The following ULK4 variants were observed in gnomAD, a reference collection of about 807,000 sequenced individuals.
ULK4 encodes the protein unc-51 like kinase 4, also known as inactive serine/threonine-protein kinase ULK4.
A neutral mutation model predicts 160.6 loss-of-function variants in ULK4; 133 were observed. The observed-to-expected ratio is 0.83, with a 90% confidence interval of 0.72 to 0.96. ULK4 has a LOEUF of 0.96. Among genes scored for constraint, ULK4 ranks in the 40% least tolerant of loss-of-function variants. ULK4 has a pLI of 0.00. For missense variants in ULK4, 1,580 were observed against 1,499.5 expected (o/e 1.05, Z -0.89); for synonymous variants, 534 against 539.8 (o/e 0.99, Z 0.15).
At chr3:41,479,970 G>A (rs2084263694) in intron 32 of ULK4, among the ~76,000 whole-genome samples, 1 of 152,040 alleles carries the variant, frequency 6.6e-6, no homozygotes. Context: ...TGCTTTGGGA[G>A]GCCAAGGCAG....
intron 22 of ULK4, among the ~76,000 whole-genome samples, chr3:41,746,885 C>T (rs1156494841): frequency 2.0e-5 from 3 of 151,864 alleles, no homozygotes; most frequent in Non-Finnish European, 4.4e-5. Context: ...GGTACAAAAG[C>T]AACTGAATGC....
At chr3:41,844,234 G>A (rs2042009015) in intron 17 of ULK4, among the ~76,000 whole-genome samples, 1 of 152,232 alleles carries the variant, frequency 6.6e-6, no homozygotes, top group African/African-American at 2.4e-5. Context: ...CGCTCGCTGG[G>A]GAGACTCGGG....
chr3:41,389,175 C>G (rs1301153897), intron 35 of ULK4, among the ~76,000 whole-genome samples: 1 of 150,558 alleles, frequency 6.6e-6, no homozygotes, highest in East Asian at 2.0e-4. Flanking sequence ...GGCTCTCTGT[C>G]TGTTATTGGT....
chr3:41,410,586 G>A (rs1454785785), intron 34 of ULK4, among the ~76,000 whole-genome samples: 2 of 152,148 alleles, frequency 1.3e-5, no homozygotes, highest in African/African-American at 4.8e-5. Context: ...TCTGGAATTA[G>A]ATAATGGTTG....
chr3:41,699,010 T>C (rs2036587000), intron 27 of ULK4, among the ~76,000 whole-genome samples: 1 of 152,246 alleles, frequency 6.6e-6, no homozygotes, highest in South Asian at 2.1e-4. Flanking sequence ...CATTTGACTA[T>C]ATCATAATGT....
intron 32 of ULK4, among the ~76,000 whole-genome samples, chr3:41,510,395 T>C (rs1174963152): frequency 1.3e-5 from 2 of 152,132 alleles, no homozygotes; most frequent in South Asian, 2.1e-4. Flanking sequence ...GGGATTTTAA[T>C]ACTCCACTAA....
intron 32 of ULK4, among the ~76,000 whole-genome samples, chr3:41,491,644 G>T (rs2084768764): frequency 6.6e-6 from 1 of 151,848 alleles, no homozygotes. Flanking sequence ...GTGGCCCAAT[G>T]ATTTAATAAT....
Position 41,246,716 on chromosome 3 carries a change from G to T in ULK4, c.*213C>A. On this transcript the variant is annotated 3_prime_UTR_variant, in exon 37 of 37. Transcript: ENST00000301831. ...GCTAACAAACCTGGGCTTCCCAGAT[G>T]CATTCCACAGGAACCAAGGAAGTCC... The T allele has an allele frequency of 1.8e-6, 1 of 545,434 alleles. No homozygotes were observed. The highest frequency in any genetic ancestry group is 3.3e-6 in the Non-Finnish European group (1 of 305,260). 33.8% of individuals were successfully genotyped at this position (545,434 alleles called of 1,614,324 possible).
intron 22 of ULK4, among the ~76,000 whole-genome samples, chr3:41,720,570 A>G (rs9826058): frequency 0.31 from 47,606 of 151,994 alleles, 10,910 homozygotes; most frequent in African/African-American, 0.65. Context: ...AAAAAGACTA[A>G]CAAAAGAAGA....
intron 34 of ULK4, among the ~76,000 whole-genome samples, chr3:41,422,350 C>A (rs1203746274): frequency 2.0e-5 from 3 of 152,082 alleles, no homozygotes; most frequent in Non-Finnish European, 4.4e-5. Flanking sequence ...TTTGTTGGAT[C>A]TTTTCTTTTC....
At chr3:41,948,551 A>G (rs1700183762) in intron 2 of ULK4, among the ~76,000 whole-genome samples, 2 of 152,160 alleles carry the variant, frequency 1.3e-5, no homozygotes, top group African/African-American at 4.8e-5. Flanking sequence ...AGCAAATTGA[A>G]TTCAGCAGTA....
intron 19 of ULK4, among the ~76,000 whole-genome samples, chr3:41,808,393 C>T (rs2125616288): frequency 6.6e-6 from 1 of 152,272 alleles, no homozygotes; most frequent in Non-Finnish European, 1.5e-5. Context: ...CATGTGTCAT[C>T]CCAGTGCTCT....
chr3:41,882,671 TCA>T (rs1412548476), intron 17 of ULK4, among the ~76,000 whole-genome samples: 1 of 152,224 alleles, frequency 6.6e-6, no homozygotes, highest in African/African-American at 2.4e-5. Context: ...TTTCACATAT[TCA>T]GAGGCTCCTT....
chr3:41,672,028 T>A lies in ULK4; in HGVS notation c.2979-8329A>T, dbSNP rs185947003. ...TGCAAGTCAAAACCACAATGAGATATCTTATACTGATTAAAATGGCTATTA... is the reference window on the plus strand; with the variant it reads ...TGCAAGTCAAAACCACAATGAGATAACTTATACTGATTAAAATGGCTATTA... On this transcript the variant is annotated intron_variant, in intron 29 of 36. Transcript: ENST00000301831. 7.6e-3 allele frequency among the ~76,000 whole-genome samples: 1,153 copies of A among 152,178 alleles called. 10 individuals carry two copies. The highest frequency in any genetic ancestry group is 0.01 in the Non-Finnish European group (684 of 67,970).
intron 27 of ULK4, among the ~76,000 whole-genome samples, chr3:41,698,136 G>A (rs910615390): frequency 1.3e-5 from 2 of 152,150 alleles, no homozygotes; most frequent in East Asian, 1.9e-4. Context: ...CTAGGTTGGT[G>A]TAAGTACATT....
intron 31 of ULK4, among the ~76,000 whole-genome samples, chr3:41,584,400 C>T (rs1380636966): frequency 6.6e-6 from 1 of 151,990 alleles, no homozygotes; most frequent in East Asian, 1.9e-4. Flanking sequence ...CAAGTGACCC[C>T]CCTGCCTCAG....
At chr3:41,250,173 AG>A (rs1172078113) in intron 35 of ULK4, among the ~76,000 whole-genome samples, 1 of 152,194 alleles carries the variant, frequency 6.6e-6, no homozygotes, top group African/African-American at 2.4e-5. Context: ...GAATAGGCTC[AG>A]GTGGGGATTT....
At chr3:41,849,811 T>A (rs1001012948) in intron 17 of ULK4, among the ~76,000 whole-genome samples, 4 of 152,194 alleles carry the variant, frequency 2.6e-5, no homozygotes, top group African/African-American at 4.8e-5. Flanking sequence ...TACATTTTTT[T>A]AAAGAATTTT....
At chr3:41,345,631 G>A (rs1482446273) in intron 35 of ULK4, among the ~76,000 whole-genome samples, 1 of 152,130 alleles carries the variant, frequency 6.6e-6, no homozygotes, top group East Asian at 1.9e-4. Context: ...TTAGAGGTTG[G>A]GGGTGGCGGG....
Sources: gnomAD v4.1 joint callset for allele counts (sites outside exome capture counted in the v4.1 genomes callset) on GRCh38, gnomAD v4.1.1 for gene constraint, MANE v1.5 for transcripts, NCBI Gene and HGNC (gene_info 2026-07-23, HGNC 2026-07-21) for gene names.